The following CNOT8 variants were observed in gnomAD, a reference collection of about 807,000 sequenced individuals.
CNOT8 encodes the protein CCR4-NOT transcription complex subunit 8.
CNOT8 carries 18 observed loss-of-function variants against 34.6 expected under a neutral mutation model. That is an observed-to-expected ratio of 0.52 (90% CI 0.36 to 0.77). The LOEUF is 0.77. CNOT8 is among the 30% of genes least tolerant of loss of function. CNOT8 has a pLI of 0.00. For synonymous variants in CNOT8, 101 were observed against 118.8 expected, an observed-to-expected ratio of 0.85 and a Z score of 0.98; for missense variants, 189 against 347.9, an observed-to-expected ratio of 0.54 and a Z score of 3.63.
At chr5:154,873,509 A>G (rs1267454249) in intron 6 of CNOT8, among the ~76,000 whole-genome samples, 1 of 152,232 alleles carries the variant, frequency 6.6e-6, no homozygotes, top group Non-Finnish European at 1.5e-5. Context: ...TGAATTTACT[A>G]TAACCCCTTA....
upstream of CNOT8, chr5:154,858,334 T>A (rs374291898): frequency 2.0e-5 from 3 of 152,326 alleles, no homozygotes; most frequent in South Asian, 6.2e-4. Flanking sequence ...AGGCGGGCCG[T>A]CTTCCGCAAG....
intron 1 of CNOT8, among the ~76,000 whole-genome samples, chr5:154,860,404 T>C (rs1761217975): frequency 6.6e-6 from 1 of 152,094 alleles, no homozygotes; most frequent in African/African-American, 2.4e-5. Context: ...TTCCTGGGGC[T>C]CAAGTGATCC....
At chr5:154,872,678 G>C (rs777546991) in intron 6 of CNOT8, 27 bp downstream of exon 6, 4 of 1,454,404 alleles carry the variant, frequency 2.8e-6, no homozygotes, top group Admixed American at 1.8e-5. Flanking sequence ...GTGATCACAG[G>C]CCTCTCGGCA....
chr5:154,866,765 T>A lies in CNOT8; in HGVS notation c.311+1380T>A, dbSNP rs148019560. ...CCATCTCTACTAAAAATAAAAAAAT[T>A]AGCTGGGTATGCTGGCAGGTGCCTG... is the stretch of plus-strand genomic sequence containing the variant. On this transcript the variant is annotated intron_variant, in intron 3 of 6. Transcript: ENST00000285896. Among the ~76,000 whole-genome samples the A allele has an allele frequency of 7.9e-3, 1,198 of 152,088 alleles. 11 individuals are homozygous for A. The highest frequency in any genetic ancestry group is 0.028 in the African/African-American group (1,159 of 41,506).
Position 154,865,215 on chromosome 5 carries a change from G to A in CNOT8, c.141G>A (p.Val47=). The A allele has an allele frequency of 1.2e-6, 2 of 1,601,132 alleles. No individual in the cohort carries two copies. Among genetic ancestry groups the A allele is most frequent in the Non-Finnish European group, 1.7e-6 (2 of 1,175,450 alleles). The part of the protein sequence containing the change: ...IAMDTEFPGV[V]VRPIGEFRSS... ...AGGACACAGAATTTCCAGGTGTTGT[G>A]GTGCGACCAATTGGTGAATTTCGTA... The change falls in exon 3 of 7, where the codon GTG becomes GTA. Residue 47 remains valine (V), a synonymous_variant. Transcript: ENST00000285896.
intron 3 of CNOT8, among the ~76,000 whole-genome samples, chr5:154,867,381 T>G (rs1761997925): frequency 6.6e-6 from 1 of 152,182 alleles, no homozygotes; most frequent in Non-Finnish European, 1.5e-5. Flanking sequence ...TTTTTTCAGT[T>G]TTTTTCATGA....
rs1013143943 is a variant in CNOT8 at position 154,871,816 on chromosome 5, T to A, written c.560T>A (p.Leu187His). 2 of 1,613,776 alleles carry A rather than the reference T, an allele frequency of 1.2e-6. No homozygotes were observed. Among genetic ancestry groups the A allele is most frequent in the South Asian group, 1.1e-5 (1 of 91,078 alleles). Reference sequence around the variant, plus strand: ...CATGAATTCTTTCATATTCTGAACCTTTTCTTCCCATCCATTTATGATGTG... The same window carrying A: ...CATGAATTCTTTCATATTCTGAACCATTTCTTCCCATCCATTTATGATGTG... The part of the protein sequence containing the change: ...EEHEFFHILN[L>H]FFPSIYDVKY... The change falls in exon 5 of 7, where the codon CTT (leucine) becomes CAT (histidine). Residue 187 changes from leucine (L) to histidine (H), a missense_variant. Around this residue, in one of 2 missense-constraint regions of CNOT8, gnomAD observed 160 missense variants for 321.9 expected, o/e 0.50. Coordinates refer to ENST00000285896, the MANE Select transcript of CNOT8 (RefSeq NM_001301073.2).
At chr5:154,868,941 G>GC (rs1762185998) in intron 3 of CNOT8, among the ~76,000 whole-genome samples, 2 of 152,082 alleles carry the variant, frequency 1.3e-5, no homozygotes, top group Non-Finnish European at 2.9e-5. Context: ...TTGCTCATGG[G>GC]CCTTGGATAC....
chr5:154,872,197 TAG>T (rs1762551415), intron 5 of CNOT8, among the ~76,000 whole-genome samples: 1 of 152,348 alleles, frequency 6.6e-6, no homozygotes, highest in Admixed American at 6.5e-5. Context: ...TTCTTAACTC[TAG>T]AAAGTTTTAG....
intron 6 of CNOT8, among the ~76,000 whole-genome samples, chr5:154,873,915 C>T (rs1762708327): frequency 6.6e-6 from 1 of 152,162 alleles, no homozygotes; most frequent in Admixed American, 6.5e-5. Context: ...TGCTGCTAAA[C>T]ATCCTGTGAT....
At chr5:154,865,737 G>GTT (rs1761804083) in intron 3 of CNOT8, among the ~76,000 whole-genome samples, 1 of 152,160 alleles carries the variant, frequency 6.6e-6, no homozygotes, top group Non-Finnish European at 1.5e-5. Context: ...TTGAGGGTGT[G>GTT]GAGAAAATTG....
intron 2 of CNOT8, among the ~76,000 whole-genome samples, chr5:154,864,899 G>T (rs1761718280): frequency 6.6e-6 from 1 of 152,118 alleles, no homozygotes; most frequent in Non-Finnish European, 1.5e-5. Context: ...TAATTAACTG[G>T]GTGTGGTGGT....
intron 3 of CNOT8, 55 bp from the exon 4 acceptor site, chr5:154,870,606 C>T: frequency 3.6e-6 from 5 of 1,390,842 alleles, no homozygotes; most frequent in Non-Finnish European, 5.0e-6. Flanking sequence ...AATAGTGTGG[C>T]CACTACTTCT....
At chr5:154,862,037 CATA>C (rs1489362705) in intron 1 of CNOT8, among the ~76,000 whole-genome samples, 2 of 152,106 alleles carry the variant, frequency 1.3e-5, no homozygotes, top group Non-Finnish European at 2.9e-5. Flanking sequence ...CGTTGTTTGC[CATA>C]ATAATAACAG....
intron 6 of CNOT8, among the ~76,000 whole-genome samples, chr5:154,873,386 A>G (rs942280177): frequency 6.6e-6 from 1 of 152,224 alleles, no homozygotes; most frequent in African/African-American, 2.4e-5. Context: ...TGTCAGCTCT[A>G]ATCCTTTCAG....
chr5:154,868,423 C>T (rs1043375333), intron 3 of CNOT8, among the ~76,000 whole-genome samples: 4 of 151,596 alleles, frequency 2.6e-5, no homozygotes, highest in Admixed American at 2.0e-4. Flanking sequence ...GCCCACCATG[C>T]CTGGCTAACT....
At chr5:154,859,595 T>C (rs561390697) in intron 1 of CNOT8, 1 of 152,242 alleles carries the variant, frequency 6.6e-6, no homozygotes, top group African/African-American at 2.4e-5. Context: ...GCAAAGCCTT[T>C]GTTCAGTCCT....
chr5:154,871,933 T>C, intron 5 of CNOT8, 59 bp downstream of exon 5: 1 of 1,477,088 alleles, frequency 6.8e-7, no homozygotes, highest in South Asian at 1.2e-5. Flanking sequence ...AAAGCTGACT[T>C]TGCTTTATTG....
chr5:154,864,049 T>G (rs1179082325), intron 2 of CNOT8, among the ~76,000 whole-genome samples: 1 of 152,232 alleles, frequency 6.6e-6, no homozygotes, highest in Admixed American at 6.5e-5. Context: ...AAGGGCCTCC[T>G]GTAGACGGGC....
Sources: allele counts gnomAD v4.1 joint callset (sites outside exome capture counted in the v4.1 genomes callset), GRCh38; gene constraint gnomAD v4.1.1; regional missense constraint gnomAD v4.1.1; transcripts MANE v1.5; gene names NCBI Gene and HGNC (gene_info 2026-07-23, HGNC 2026-07-21).